The following WDFY3 variants were observed in gnomAD, a reference collection of about 807,000 sequenced individuals.
WDFY3 encodes the protein WD repeat and FYVE domain-containing protein 3.
WDFY3 carries 66 observed loss-of-function variants against 409.6 expected under a neutral mutation model. That is an observed-to-expected ratio of 0.16 (90% confidence interval 0.13 to 0.20). The LOEUF is 0.20. Ranked by LOEUF, WDFY3 falls within the 10% of genes least tolerant of loss-of-function variation. WDFY3 has a pLI of 1.00. For missense variants in WDFY3, 3,031 were observed against 4,298.1 expected, an observed-to-expected ratio of 0.71 and a Z score of 8.24; for synonymous variants, 1,521 against 1,537.1, an observed-to-expected ratio of 0.99 and a Z score of 0.25.
At chr4:84,788,753 A>G (rs1295425941) in intron 22 of WDFY3, among the ~76,000 whole-genome samples, 3 of 152,148 alleles carry the variant, frequency 2.0e-5, no homozygotes, top group Admixed American at 1.3e-4. Flanking sequence ...CCTAAAATGG[A>G]TAACTGGCTA....
chr4:84,716,786 G>A (rs1283964808), intron 49 of WDFY3, 110 bp downstream of exon 49: 5 of 910,148 alleles, frequency 5.5e-6, no homozygotes, highest in Non-Finnish European at 6.9e-6. Flanking sequence ...GCGACAGAGT[G>A]AGACTCTGTC....
chr4:84,900,458 T>A (rs1446880952), intron 2 of WDFY3, among the ~76,000 whole-genome samples: 1 of 152,142 alleles, frequency 6.6e-6, no homozygotes, highest in Non-Finnish European at 1.5e-5. Context: ...ACTCCTGGCC[T>A]CAAGCGATCC....
intron 44 of WDFY3, among the ~76,000 whole-genome samples, chr4:84,728,056 A>G (rs1240341464): frequency 1.3e-5 from 2 of 152,162 alleles, no homozygotes; most frequent in Non-Finnish European, 2.9e-5. Flanking sequence ...AGAAAGAAAA[A>G]AAAATCACTG....
chr4:84,961,571 A>T (rs1774923604), intron 1 of WDFY3, among the ~76,000 whole-genome samples: 1 of 152,198 alleles, frequency 6.6e-6, no homozygotes, highest in South Asian at 2.1e-4. Context: ...AACATGAAAG[A>T]TGAGTGCACA....
intron 1 of WDFY3, among the ~76,000 whole-genome samples, chr4:84,947,710 CAAAA>C (rs1176852063): frequency 1.3e-5 from 1 of 77,474 alleles, no homozygotes; most frequent in African/African-American, 4.7e-5. Context: ...CCACATCTAC[CAAAA>C]AAAAAAAAAA....
intron 2 of WDFY3, among the ~76,000 whole-genome samples, chr4:84,908,637 CTT>C (rs1238794611): frequency 3.9e-5 from 6 of 152,166 alleles, no homozygotes; most frequent in African/African-American, 1.4e-4. Flanking sequence ...AAGCCCAACT[CTT>C]TGTATATTTC....
intron 2 of WDFY3, among the ~76,000 whole-genome samples, chr4:84,908,642 T>A (rs1354670830): frequency 6.6e-6 from 1 of 152,226 alleles, no homozygotes; most frequent in Non-Finnish European, 1.5e-5. Flanking sequence ...CAACTCTTTG[T>A]ATATTTCAAC....
intron 36 of WDFY3, among the ~76,000 whole-genome samples, chr4:84,747,999 G>A (rs898839252): frequency 1.3e-5 from 2 of 151,836 alleles, no homozygotes; most frequent in African/African-American, 2.4e-5. Context: ...GGACTAACAC[G>A]CACTCCAAGT....
At chr4:84,844,368 G>T (rs1206666634) in intron 5 of WDFY3, 6 of 1,198,658 alleles carry the variant, frequency 5.0e-6, no homozygotes, top group African/African-American at 3.2e-5. Flanking sequence ...AATTCCACAA[G>T]TTAGTCAGAA....
chr4:84,744,764 A>G (rs1478872672), intron 36 of WDFY3, among the ~76,000 whole-genome samples: 3 of 145,976 alleles, frequency 2.1e-5, no homozygotes, highest in Admixed American at 1.4e-4. Context: ...GAGGCAGGAG[A>G]ATGGCGTGAA....
rs575649470 is a variant in WDFY3, at chr4:84,932,372, G to A, written c.-225-9C>T. The A allele has an allele frequency of 2.0e-5, 3 of 152,128 alleles. No homozygotes were observed. The highest frequency in any genetic ancestry group is 4.8e-5 in the African/African-American group (2 of 41,498). The allele number at this position is 152,128 out of a possible 1,614,324, so 9.4% of individuals were successfully genotyped here. A position where few individuals can be genotyped will look rare whatever the true frequency, so the allele number is the denominator to read the frequency against. ...GTGGAGAAGTATTATACCTGATGAAGGAAAGGAAAAGAAAACTCAGTTTAT... is the reference window on the plus strand; with the variant it reads ...GTGGAGAAGTATTATACCTGATGAAAGAAAGGAAAAGAAAACTCAGTTTAT... On this transcript the variant is annotated splice_polypyrimidine_tract_variant and intron_variant, in intron 1 of 67. Coordinates refer to ENST00000295888, the MANE Select transcript of WDFY3 (RefSeq NM_014991.6).
chr4:84,839,672 A>C (rs1188735519), intron 6 of WDFY3, among the ~76,000 whole-genome samples: 1 of 152,142 alleles, frequency 6.6e-6, no homozygotes, highest in African/African-American at 2.4e-5. Context: ...AGCCTGGCCA[A>C]CATGGTGAAA....
At position 84,817,266 on chromosome 4, in the gene WDFY3, GTTGTGAGGTTTC is replaced by G. The variant is rs544134555; in HGVS notation, c.1887+114_1887+125del. The G allele has an allele frequency of 5.5e-4, 655 of 1,189,598 alleles. 3 individuals are homozygous for G. The highest frequency in any genetic ancestry group is 1.0e-3 in the Middle Eastern group (4 of 3,894). The allele number at this position is 1,189,598 out of a possible 1,614,324, so 73.7% of individuals were successfully genotyped here. On this transcript the variant is annotated intron_variant, in intron 13 of 67. Transcript: ENST00000295888. ...TTTCCAAGTTCCTAACGTGTACAAA[GTTGTGAGGTTTC>G]TTGGGTAATTTGGATTTTTTTTAAT...
chr4:84,899,808 G>A (rs1766112080), intron 2 of WDFY3, among the ~76,000 whole-genome samples: 1 of 152,150 alleles, frequency 6.6e-6, no homozygotes, highest in Non-Finnish European at 1.5e-5. Context: ...GCTGAGGCGT[G>A]AGGATCACTT....
chr4:84,927,479 T>G (rs1036972381), intron 2 of WDFY3, among the ~76,000 whole-genome samples: 3 of 152,138 alleles, frequency 2.0e-5, no homozygotes, highest in Non-Finnish European at 4.4e-5. Flanking sequence ...GGTGGTTGAT[T>G]TGGAGTATCA....
At chr4:84,758,226 A>AT (rs1307953009) in intron 32 of WDFY3, among the ~76,000 whole-genome samples, 1 of 152,114 alleles carries the variant, frequency 6.6e-6, no homozygotes, top group African/African-American at 2.4e-5. Context: ...AGCAATTTGT[A>AT]TTTCAAATAG....
At chr4:84,703,766 C>T (rs1359807812) in intron 55 of WDFY3, among the ~76,000 whole-genome samples, 1 of 152,216 alleles carries the variant, frequency 6.6e-6, no homozygotes, top group Non-Finnish European at 1.5e-5. Flanking sequence ...CTGTTCTCCC[C>T]ACTTCCCATC....
chr4:84,726,159 A>G (rs1735619400), intron 45 of WDFY3, among the ~76,000 whole-genome samples: 2 of 152,160 alleles, frequency 1.3e-5, no homozygotes, highest in South Asian at 4.1e-4. Context: ...ATAAAAGCAT[A>G]GTTAGTGATG....
intron 4 of WDFY3, among the ~76,000 whole-genome samples, chr4:84,853,744 T>C (rs900071574): frequency 6.6e-6 from 1 of 152,214 alleles, no homozygotes; most frequent in Admixed American, 6.5e-5. Flanking sequence ...CTCTAAGAAA[T>C]GTTCTGACAA....
Sources: gnomAD v4.1 joint callset for allele counts (sites outside exome capture counted in the v4.1 genomes callset) on GRCh38, gnomAD v4.1.1 for gene constraint, MANE v1.5 for transcripts, NCBI Gene and HGNC (gene_info 2026-07-23, HGNC 2026-07-21) for gene names.